Variants in UVRAG observed in about 807,000 individuals in gnomAD.
UVRAG encodes UV radiation resistance-associated gene protein.
In UVRAG, 19 loss-of-function variants were observed where a neutral mutation model predicts 78.0. That is an observed-to-expected ratio of 0.24 (90% CI 0.17 to 0.36). UVRAG has a LOEUF of 0.36. UVRAG is among the 10% of genes least tolerant of loss of function. UVRAG has a pLI of 1.00. For missense variants in UVRAG, 740 were observed against 853.8 expected (o/e 0.87, Z 1.66); for synonymous variants, 323 against 324.6 (o/e 1.00, Z 0.05).
chr11:76,107,345 C>G (rs1951989424), intron 13 of UVRAG, among the ~76,000 whole-genome samples: 1 of 152,162 alleles, frequency 6.6e-6, no homozygotes, highest in Non-Finnish European at 1.5e-5. Context: ...CAACCTTAGG[C>G]CATTTAACCT....
chr11:75,989,597 C>CT (rs1239396187), intron 8 of UVRAG, among the ~76,000 whole-genome samples: 15 of 152,144 alleles, frequency 9.9e-5, no homozygotes, highest in Non-Finnish European at 2.9e-5. Context: ...AAATAGAAGT[C>CT]TTTTTTACCT....
rs117016122 is a variant in UVRAG at position 76,067,777 on chromosome 11, G to A, written c.1305+1989G>A. 1.5e-3 allele frequency among the ~76,000 whole-genome samples: 221 copies of A among 151,784 alleles called. 4 individuals carry two copies. The East Asian group carries it at 0.036, about 25-fold the overall frequency. Reference sequence around the variant, plus strand: ...CTGTCTCAAAAAAAAAAAAGTGCTCGGACTAAGACTGCACTAAGGAAGAAG... The same window carrying A: ...CTGTCTCAAAAAAAAAAAAGTGCTCAGACTAAGACTGCACTAAGGAAGAAG... On this transcript the variant is annotated intron_variant, in intron 13 of 14. Transcript: ENST00000356136.
At chr11:75,955,048 T>C (rs969342058) in intron 6 of UVRAG, among the ~76,000 whole-genome samples, 5 of 152,178 alleles carry the variant, frequency 3.3e-5, no homozygotes, top group Admixed American at 3.3e-4. Context: ...AGTAGTTTAG[T>C]ATTGCTAGAG....
intron 2 of UVRAG, among the ~76,000 whole-genome samples, chr11:75,860,366 A>C (rs946986122): frequency 6.6e-6 from 1 of 152,266 alleles, no homozygotes; most frequent in African/African-American, 2.4e-5. Flanking sequence ...TCGCTTTCTC[A>C]AAAGAAAAAG....
intron 6 of UVRAG, among the ~76,000 whole-genome samples, chr11:75,958,327 G>A (rs935569176): frequency 2.6e-5 from 4 of 152,094 alleles, no homozygotes; most frequent in Admixed American, 1.3e-4. Flanking sequence ...ATTGGAGTCC[G>A]TCCTTCCCCT....
chr11:76,117,470 G>A (rs533582246), intron 14 of UVRAG, among the ~76,000 whole-genome samples: 9 of 152,238 alleles, frequency 5.9e-5, no homozygotes, highest in African/African-American at 1.9e-4. Context: ...GCTAGCCATC[G>A]ATTAGTATGA....
At chr11:75,858,911 A>G (rs1480805683) in intron 2 of UVRAG, among the ~76,000 whole-genome samples, 1 of 152,220 alleles carries the variant, frequency 6.6e-6, no homozygotes, top group Admixed American at 6.5e-5. Flanking sequence ...TGAGGCACTT[A>G]AGCATTTGTT....
chr11:76,048,235 C>A (rs1449286093), intron 12 of UVRAG, among the ~76,000 whole-genome samples: 2 of 152,140 alleles, frequency 1.3e-5, no homozygotes, highest in Non-Finnish European at 2.9e-5. Context: ...ATTTATGAAG[C>A]CTAGATCCTT....
rs1336364529 is a variant in UVRAG, at chr11:76,135,433, A to T, written c.1398-5278A>T. On this transcript the variant is annotated intron_variant, in intron 14 of 14. Coordinates refer to ENST00000356136, the MANE Select transcript of UVRAG (RefSeq NM_003369.4). The stretch of plus-strand genomic sequence containing the variant: ...AAGCCAAACTGACTTCCTCCTTGAC[A>T]TCTAAACTCCAGGCCAGTTGGCTTC... Among the ~76,000 whole-genome samples, 3 of 152,190 alleles carry T rather than the reference A, an allele frequency of 2.0e-5. No individual in the cohort carries two copies. In the East Asian group the frequency reaches 5.8e-4, roughly 29 times the overall value.
chr11:75,987,913 AT>A (rs1447572291), intron 8 of UVRAG, among the ~76,000 whole-genome samples: 3 of 151,544 alleles, frequency 2.0e-5, no homozygotes, highest in Admixed American at 2.0e-4. Flanking sequence ...AATTTTTGTA[AT>A]TTTAGTGGAG....
chr11:75,901,778 C>T (rs1181047124), intron 5 of UVRAG, among the ~76,000 whole-genome samples: 1 of 152,158 alleles, frequency 6.6e-6, no homozygotes, highest in Non-Finnish European at 1.5e-5. Context: ...TGAGGTCTTG[C>T]TATTCCTTAT....
chr11:75,838,896 G>A (rs576275973), intron 1 of UVRAG: 265 of 152,354 alleles, frequency 1.7e-3, no homozygotes, highest in African/African-American at 6.2e-3. Flanking sequence ...GTTATCATGG[G>A]GGAAGAACTG....
At chr11:75,834,076 A>T (rs1413539596) in intron 1 of UVRAG, among the ~76,000 whole-genome samples, 1 of 152,134 alleles carries the variant, frequency 6.6e-6, no homozygotes, top group East Asian at 1.9e-4. Flanking sequence ...CGATACTTTA[A>T]TCTAAGGTTC....
At chr11:75,884,234 CTCTCTT>C (rs1333853284) in intron 4 of UVRAG, among the ~76,000 whole-genome samples, 2 of 151,688 alleles carry the variant, frequency 1.3e-5, no homozygotes, top group South Asian at 2.1e-4. Flanking sequence ...CTCTCTCTCT[CTCTCTT>C]TCTCTCTCTC....
In UVRAG at chr11:76,076,045, G is replaced by A. The variant is rs147145928; in HGVS notation, c.1305+10257G>A. ...ATTTCTTGGCTGTTATAAGAATGCT[G>A]TTATGAACATTTGGGTACAAGTTTT... On this transcript the variant is annotated intron_variant, in intron 13 of 14. Coordinates refer to ENST00000356136, the MANE Select transcript of UVRAG (RefSeq NM_003369.4). 7.2e-3 allele frequency among the ~76,000 whole-genome samples: 1,091 copies of A among 152,282 alleles called. 17 individuals are homozygous for A. Among genetic ancestry groups the A allele is most frequent in the African/African-American group, 0.025 (1,042 of 41,556 alleles).
At chr11:75,945,934 A>G (rs1277400070) in intron 6 of UVRAG, among the ~76,000 whole-genome samples, 3 of 152,042 alleles carry the variant, frequency 2.0e-5, no homozygotes, top group African/African-American at 7.2e-5. Context: ...CCCCGTCCCT[A>G]GAATAGATGC....
chr11:75,888,935 G>A lies in UVRAG; in HGVS notation c.507+32G>A, dbSNP rs767113044. 1.7e-4 allele frequency: 272 copies of A among 1,588,748 alleles called. 4 individuals are homozygous for A. In the South Asian group the frequency reaches 2.8e-3, roughly 17 times the overall value. On this transcript the variant is annotated intron_variant, in intron 5 of 14. Coordinates refer to ENST00000356136, the MANE Select transcript of UVRAG (RefSeq NM_003369.4). ...AGATCCTTCTAATGTTATGAATTTT[G>A]TTTAGTGCAGGTGTGCCTTGCAGGT... is the stretch of plus-strand genomic sequence containing the variant.
At chr11:76,078,972 T>G (rs1276390540) in intron 13 of UVRAG, among the ~76,000 whole-genome samples, 1 of 151,916 alleles carries the variant, frequency 6.6e-6, no homozygotes, top group Non-Finnish European at 1.5e-5. Context: ...CACTTTTAAC[T>G]TGCCAGTACC....
intron 4 of UVRAG, 84 bp from the exon 5 acceptor site, chr11:75,888,745 T>C: frequency 8.5e-7 from 1 of 1,170,632 alleles, no homozygotes; most frequent in Non-Finnish European, 1.2e-6. Context: ...TTGAAGTAGA[T>C]CCTGTTGTAA....
Sources: allele counts gnomAD v4.1 joint callset (sites outside exome capture counted in the v4.1 genomes callset), GRCh38; gene constraint gnomAD v4.1.1; transcripts MANE v1.5; gene names NCBI Gene and HGNC (gene_info 2026-07-23, HGNC 2026-07-21).